UQCC6: variants seen among roughly 807,000 people sequenced by gnomAD.
The protein encoded by UQCC6 is protein BRAWNIN.
chr12:103,965,587 T>C, the UQCC6 span: 48 of 166,906 alleles, frequency 2.9e-4, no homozygotes, highest in African/African-American at 1.1e-3. Flanking sequence ...CTGATAAGCG[T>C]CATCATCCCA....
At chr12:103,961,444 G>C in the UQCC6 span, among the ~76,000 whole-genome samples, 2 of 152,104 alleles carry the variant, frequency 1.3e-5, no homozygotes, top group African/African-American at 2.4e-5. Flanking sequence ...CTAGACCTTC[G>C]CACTCACTGA....
chr12:103,961,431 G>A, the UQCC6 span, among the ~76,000 whole-genome samples: 2 of 152,160 alleles, frequency 1.3e-5, no homozygotes, highest in Admixed American at 1.3e-4. Context: ...GTACAGCAAT[G>A]TCCTAGACCT....
the UQCC6 span, chr12:103,954,591 C>T: frequency 7.9e-6 from 2 of 251,890 alleles, no homozygotes; most frequent in African/African-American, 4.5e-5. Flanking sequence ...ATGACCCAAA[C>T]ACCTCCCGCC....
chr12:103,953,954 T>A, the UQCC6 span, among the ~76,000 whole-genome samples: 1 of 152,376 alleles, frequency 6.6e-6, no homozygotes, highest in East Asian at 1.9e-4. Flanking sequence ...AAGGTTCTTG[T>A]CACTTTGTCT....
the UQCC6 span, chr12:103,954,868 G>C: frequency 4.4e-6 from 3 of 686,288 alleles, no homozygotes; most frequent in African/African-American, 5.3e-5. Context: ...GCAAAAAAGA[G>C]ACATACCAAA....
At chr12:103,962,886 T>G in the UQCC6 span, among the ~76,000 whole-genome samples, 1 of 152,218 alleles carries the variant, frequency 6.6e-6, no homozygotes, top group East Asian at 1.9e-4. Context: ...CCAAGAACAC[T>G]CCTGGGCTAA....
the UQCC6 span, among the ~76,000 whole-genome samples, chr12:103,964,051 T>C: frequency 1.3e-5 from 2 of 150,982 alleles, no homozygotes; most frequent in Non-Finnish European, 2.9e-5. Flanking sequence ...AGAGAGACAC[T>C]GATGGGATAA....
At chr12:103,951,508 G>C in the UQCC6 span, 4 of 1,350,618 alleles carry the variant, frequency 3.0e-6, no homozygotes, top group Non-Finnish European at 4.1e-6. Flanking sequence ...ATTATTCACA[G>C]AATTCTTGGC....
the UQCC6 span, chr12:103,956,650 C>T: frequency 6.4e-7 from 1 of 1,551,388 alleles, no homozygotes. Context: ...TCGGTAGTAC[C>T]TGTGCACCAC....
the UQCC6 span, chr12:103,951,423 AGTTAGCATTAGACTAAGT>A: frequency 5.4e-5 from 32 of 595,382 alleles, no homozygotes; most frequent in Non-Finnish European, 8.8e-5. Flanking sequence ...CTCCTCTTGC[AGTTAGCATTAGACTAAGT>A]GCTTAAGGAC....
At chr12:103,962,661 C>T in the UQCC6 span, among the ~76,000 whole-genome samples, 26 of 152,192 alleles carry the variant, frequency 1.7e-4, no homozygotes, top group Admixed American at 4.6e-4. Flanking sequence ...CAAAAGTTAC[C>T]TCCCTTTTTC....
chr12:103,963,450 T>A, the UQCC6 span, among the ~76,000 whole-genome samples: 3 of 152,194 alleles, frequency 2.0e-5, no homozygotes, highest in Non-Finnish European at 2.9e-5. Context: ...CTTTGGCTAT[T>A]CTAGATCTTT....
chr12:103,955,907 T>C, the UQCC6 span: 1 of 427,856 alleles, frequency 2.3e-6, no homozygotes, highest in African/African-American at 2.0e-5. Context: ...TTTAAATTTC[T>C]CCTTCCTTTG....
the UQCC6 span, chr12:103,957,117 A>C: frequency 4.2e-6 from 1 of 240,776 alleles, no homozygotes; most frequent in Non-Finnish European, 8.4e-6. Flanking sequence ...GCCTCTATAC[A>C]CGCGCTCTAC....
chr12:103,958,093 A>G, the UQCC6 span, among the ~76,000 whole-genome samples: 4 of 148,424 alleles, frequency 2.7e-5, no homozygotes, highest in Admixed American at 2.0e-4. Flanking sequence ...GCAGATGACT[A>G]TAATCCCAGC....
chr12:103,958,028 A>G, the UQCC6 span, among the ~76,000 whole-genome samples: 1 of 134,856 alleles, frequency 7.4e-6, no homozygotes, highest in African/African-American at 2.6e-5. Flanking sequence ...ATATATTTAT[A>G]TATTTTTAAA....
At chr12:103,958,997 TAA>T in the UQCC6 span, among the ~76,000 whole-genome samples, 16 of 152,224 alleles carry the variant, frequency 1.1e-4, no homozygotes, top group Non-Finnish European at 2.1e-4. Flanking sequence ...ACACCCTCTG[TAA>T]AAAGTGTTAA....
the UQCC6 span, chr12:103,956,875 G>T: frequency 1.6e-6 from 1 of 621,858 alleles, no homozygotes; most frequent in Admixed American, 2.7e-5. Flanking sequence ...GGACCCCTGG[G>T]TTCTCGCCCA....
the UQCC6 span, among the ~76,000 whole-genome samples, chr12:103,963,126 TGCAGTG>T: frequency 6.7e-6 from 1 of 149,816 alleles, no homozygotes; most frequent in Non-Finnish European, 1.5e-5. Context: ...CAGGCTAGAA[TGCAGTG>T]GCATGATCTC....
Sources: gnomAD v4.1 joint callset for allele counts (sites outside exome capture counted in the v4.1 genomes callset) on GRCh38, gnomAD v4.1.1 for gene constraint, MANE v1.5 for transcripts, NCBI Gene and HGNC (gene_info 2026-07-23, HGNC 2026-07-21) for gene names.